Variants in DCAF1 observed in about 807,000 individuals in gnomAD.
DCAF1 encodes the protein DDB1- and CUL4-associated factor 1.
Under a neutral mutation model 128.0 loss-of-function variants are expected in DCAF1, and 15 were observed. The observed-to-expected ratio is 0.12, with a 90% CI of 0.08 to 0.18. The LOEUF is 0.18. Ranked by LOEUF, DCAF1 falls within the 10% of genes least tolerant of loss-of-function variation. The pLI is 1.00. For synonymous variants in DCAF1, 610 were observed against 603.0 expected, an observed-to-expected ratio of 1.01 and a Z score of -0.17; for missense variants, 988 against 1,649.5, an observed-to-expected ratio of 0.60 and a Z score of 6.95.
chr3:51,421,107 A>G (rs557704396), intron 14 of DCAF1, 110 bp from the exon 15 acceptor site: 10 of 1,312,738 alleles, frequency 7.6e-6, no homozygotes, highest in African/African-American at 7.4e-5. Context: ...TTAAAAAACT[A>G]TATTACTTTT....
Position 51,494,404 on chromosome 3 carries a change from G to A in DCAF1, c.-9+2330C>T, listed in dbSNP as rs190121915. On this transcript the variant is annotated intron_variant, in intron 2 of 24. Coordinates refer to ENST00000684031, the MANE Select transcript of DCAF1 (RefSeq NM_001387579.1). Reference sequence around the variant, plus strand: ...GCTGGGATTACAGGTGTGAGCCACCGCGCCCGGCCGAGGTTTCCTTTTAAG... The same window carrying A: ...GCTGGGATTACAGGTGTGAGCCACCACGCCCGGCCGAGGTTTCCTTTTAAG... Among the ~76,000 whole-genome samples the A allele has an allele frequency of 8.7e-3, 1,317 of 152,042 alleles. 7 individuals are homozygous for A. Among genetic ancestry groups the A allele is most frequent in the Non-Finnish European group, 0.014 (962 of 67,982 alleles).
At chr3:51,431,258 C>G (rs1358774400) in intron 10 of DCAF1, among the ~76,000 whole-genome samples, 1 of 151,916 alleles carries the variant, frequency 6.6e-6, no homozygotes, top group East Asian at 1.9e-4. Flanking sequence ...TGGCTTATGA[C>G]TGTAATCCCA....
At chr3:51,470,055 A>T (rs1187987446) in intron 4 of DCAF1, among the ~76,000 whole-genome samples, 1 of 152,064 alleles carries the variant, frequency 6.6e-6, no homozygotes, top group African/African-American at 2.4e-5. Flanking sequence ...AGCCCAAAAT[A>T]AACCAAATTA....
chr3:51,479,945 C>T lies in DCAF1; in HGVS notation c.110+3774G>A, dbSNP rs1426321517. The stretch of plus-strand genomic sequence containing the variant: ...CTGTAATCCCAGCACTTTGGGAGAC[C>T]AACGTAGAAGGAACATTTGCAGTGA... On this transcript the variant is annotated intron_variant, in intron 3 of 24. Coordinates refer to ENST00000684031, the MANE Select transcript of DCAF1 (RefSeq NM_001387579.1). Among the ~76,000 whole-genome samples, 2 of 150,568 alleles carry T rather than the reference C, an allele frequency of 1.3e-5. 1 individual carries two copies. Among genetic ancestry groups the T allele is most frequent in the Admixed American group, 1.3e-4 (2 of 15,078 alleles).
downstream of DCAF1, chr3:51,397,502 C>T (rs1553623418): frequency 6.0e-6 from 1 of 167,124 alleles, no homozygotes; most frequent in Non-Finnish European, 1.5e-5. Flanking sequence ...CTCCATCCTC[C>T]AAAACTTCCC....
intron 1 of DCAF1, among the ~76,000 whole-genome samples, chr3:51,499,169 G>A (rs1316376915): frequency 6.6e-6 from 1 of 152,242 alleles, no homozygotes; most frequent in African/African-American, 2.4e-5. Context: ...AAGTGAAGTT[G>A]TTAAGCAAAC....
rs187813956 is a variant in DCAF1, at chr3:51,458,635, C to T, written c.375+4479G>A. Reference sequence around the variant, plus strand: ...CATTCTTTTCAGCGCCACACCACACCTACTCCAAAACTGACCACATAGTTG... The same window carrying T: ...CATTCTTTTCAGCGCCACACCACACTTACTCCAAAACTGACCACATAGTTG... On this transcript the variant is annotated intron_variant, in intron 6 of 24. Transcript: ENST00000684031. 3.2e-3 allele frequency among the ~76,000 whole-genome samples: 486 copies of T among 152,254 alleles called. 4 individuals carry two copies. Among genetic ancestry groups the T allele is most frequent in the Middle Eastern group, 0.017 (5 of 294 alleles).
intron 6 of DCAF1, among the ~76,000 whole-genome samples, chr3:51,455,994 G>A (rs139525647): frequency 6.6e-6 from 1 of 152,166 alleles, no homozygotes; most frequent in African/African-American, 2.4e-5. Flanking sequence ...ACAGAAGACG[G>A]GTGATTTCTG....
At chr3:51,497,672 A>C (rs80347899) in intron 1 of DCAF1, among the ~76,000 whole-genome samples, 5,520 of 152,264 alleles carry the variant, frequency 0.036, 140 homozygotes, top group Non-Finnish European at 0.058. Context: ...GCCAAGTCGG[A>C]AGGATTGCTT....
chr3:51,422,262 C>CA, intron 14 of DCAF1, 45 bp downstream of exon 14: 1 of 735,072 alleles, frequency 1.4e-6, no homozygotes, highest in Non-Finnish European at 2.5e-6. Context: ...AAAGAAAAAA[C>CA]AAATCCAGAC....
intron 14 of DCAF1, among the ~76,000 whole-genome samples, chr3:51,421,446 G>C (rs1045514003): frequency 3.3e-5 from 5 of 152,012 alleles, no homozygotes; most frequent in Non-Finnish European, 5.9e-5. Flanking sequence ...TAGTAGAGGT[G>C]GGGTTTCACC....
At chr3:51,453,433 GC>G (rs1235003215) in intron 6 of DCAF1, among the ~76,000 whole-genome samples, 10 of 151,782 alleles carry the variant, frequency 6.6e-5, no homozygotes, top group Non-Finnish European at 1.2e-4. Flanking sequence ...TGTGAGACCA[GC>G]CTGGGCAACA....
chr3:51,489,649 T>C (rs1400344397), intron 2 of DCAF1, among the ~76,000 whole-genome samples: 2 of 152,044 alleles, frequency 1.3e-5, no homozygotes, highest in Admixed American at 6.6e-5. Context: ...TAGCTGGGCA[T>C]GGTGGTGTAC....
chr3:51,460,790 G>A (rs1703465475), intron 6 of DCAF1, among the ~76,000 whole-genome samples: 1 of 151,998 alleles, frequency 6.6e-6, no homozygotes, highest in Admixed American at 6.6e-5. Flanking sequence ...TGACAAACCT[G>A]ACAAAAACAA....
In DCAF1 at chr3:51,398,584, G is replaced by C. The variant is rs2089391524; in HGVS notation, c.*185C>G. On this transcript the variant is annotated 3_prime_UTR_variant, in exon 25 of 25. Coordinates refer to ENST00000684031, the MANE Select transcript of DCAF1 (RefSeq NM_001387579.1). ...TAGTCCCTGTTGTCATTTTTGTGGT[G>C]GTTATTGATTCTGGAAGGACCCTCG... 17 of 682,322 alleles carry C rather than the reference G, an allele frequency of 2.5e-5. No individual in the cohort carries two copies. The South Asian group carries it at 3.3e-4, about 13-fold the overall frequency. 42.3% of individuals were successfully genotyped at this position (682,322 alleles called of 1,614,324 possible).
chr3:51,439,680 A>G (rs1701186382), intron 9 of DCAF1, among the ~76,000 whole-genome samples: 1 of 151,986 alleles, frequency 6.6e-6, no homozygotes, highest in Non-Finnish European at 1.5e-5. Context: ...ACATTATACA[A>G]TATGTACATA....
intron 9 of DCAF1, among the ~76,000 whole-genome samples, chr3:51,434,823 C>T (rs1700673904): frequency 6.7e-6 from 1 of 150,036 alleles, no homozygotes; most frequent in African/African-American, 2.5e-5. Context: ...AGATCTCCTG[C>T]ACAATGTTAT....
intron 3 of DCAF1, among the ~76,000 whole-genome samples, chr3:51,471,352 T>C (rs1342050232): frequency 1.3e-5 from 2 of 151,724 alleles, no homozygotes; most frequent in African/African-American, 4.8e-5. Context: ...CCCGGCTAAC[T>C]TTCTGTACTT....
At chr3:51,412,554 G>T in intron 22 of DCAF1, 74 bp from the exon 23 acceptor site, 1 of 1,598,284 alleles carries the variant, frequency 6.3e-7, no homozygotes, top group Non-Finnish European at 8.5e-7. Context: ...AGCCCTGACT[G>T]GTGCCCATGA....
Sources: allele counts gnomAD v4.1 joint callset (sites outside exome capture counted in the v4.1 genomes callset), GRCh38; gene constraint gnomAD v4.1.1; transcripts MANE v1.5; gene names NCBI Gene and HGNC (gene_info 2026-07-23, HGNC 2026-07-21).